DOCK2: variants seen among roughly 807,000 people sequenced by gnomAD.
DOCK2 encodes the protein dedicator of cytokinesis 2.
A neutral mutation model predicts 248.9 loss-of-function variants in DOCK2; 87 were observed. The observed-to-expected ratio is 0.35, with a 90% confidence interval of 0.29 to 0.42. The LOEUF (loss-of-function observed/expected upper bound fraction) is 0.42, where lower values mean the gene tolerates loss of function less well. Ranked by LOEUF, DOCK2 falls within the 10% of genes least tolerant of loss-of-function variation. The pLI, the probability that DOCK2 is intolerant of heterozygous loss-of-function variation, is 1.00. For missense variants in DOCK2, 1,747 were observed against 2,300.2 expected, an observed-to-expected ratio of 0.76 and a Z score of 4.92; for synonymous variants, 805 against 821.6, an observed-to-expected ratio of 0.98 and a Z score of 0.35.
intron 22 of DOCK2, 77 bp downstream of exon 22, chr5:169,718,868 G>C (rs950869324): frequency 4.0e-6 from 6 of 1,490,962 alleles, no homozygotes; most frequent in Non-Finnish European, 5.4e-6. Flanking sequence ...TACTGTAGGA[G>C]AAACTCGTTT....
intron 27 of DOCK2, among the ~76,000 whole-genome samples, chr5:169,914,911 T>C (rs1309795340): frequency 6.6e-6 from 1 of 152,242 alleles, no homozygotes; most frequent in Admixed American, 6.5e-5. Flanking sequence ...TGGCTTCCTG[T>C]GCATTGCTGT....
chr5:169,697,727 T>C (rs1193286010), intron 10 of DOCK2, among the ~76,000 whole-genome samples: 1 of 152,112 alleles, frequency 6.6e-6, no homozygotes, highest in Admixed American at 6.5e-5. Flanking sequence ...GTGTTTGACG[T>C]ATTTTCTGTA....
chr5:169,966,472 G>A (rs992374484), intron 27 of DOCK2, among the ~76,000 whole-genome samples: 3 of 152,136 alleles, frequency 2.0e-5, no homozygotes, highest in African/African-American at 7.2e-5. Context: ...TCCACTTAGG[G>A]AATGTAATCA....
intron 25 of DOCK2, among the ~76,000 whole-genome samples, chr5:169,789,888 T>G (rs1247028386): frequency 2.0e-5 from 3 of 150,448 alleles, no homozygotes; most frequent in Non-Finnish European, 4.5e-5. Context: ...AAAATGGCTG[T>G]GGTTTTTTCC....
chr5:169,695,919 G>A lies in DOCK2; in HGVS notation c.960G>A (p.Arg320=), dbSNP rs1760592431. The change falls in exon 10 of 52, where the codon AGG becomes AGA. Residue 320 remains arginine, a synonymous_variant. Coordinates refer to ENST00000520908, the MANE Select transcript of DOCK2 (RefSeq NM_004946.3). ...TGAKKCTQGL[R]RPFGVAVMDI... is the part of the protein sequence containing the mutation. ...CAAAGAAGTGCACGCAGGGACTGAG[G>A]AGGCCCTTTGGGGTGGCAGGTAAGG... The A allele has an allele frequency of 6.2e-7, 1 of 1,608,346 alleles. No homozygotes were observed. The highest frequency in any genetic ancestry group is 8.5e-7 in the Non-Finnish European group (1 of 1,177,246).
In DOCK2 at chr5:169,719,103, A is replaced by T. The variant is rs189450961; in HGVS notation, c.2267+312A>T. On this transcript the variant is annotated intron_variant, in intron 22 of 51. Transcript: ENST00000520908. ...TGGTGAACATTTTCCAGCAATCTAT[A>T]TCCAATGTTAGAGGGCCTGGGAGCA... is the stretch of plus-strand genomic sequence containing the variant. 5.3e-5 allele frequency among the ~76,000 whole-genome samples: 8 copies of T among 152,338 alleles called. No homozygotes were observed. In the East Asian group the frequency reaches 1.4e-3, roughly 26 times the overall value.
intron 46 of DOCK2, chr5:170,075,392 C>G (rs1470523469): frequency 6.6e-6 from 1 of 152,666 alleles, no homozygotes; most frequent in Non-Finnish European, 1.5e-5. Context: ...TCAGAGCTCC[C>G]TACTGGGGGG....
rs1453239969 is a variant in DOCK2, at chr5:170,080,276, C to T, written c.5280C>T (p.Thr1760=). The T allele has an allele frequency of 6.2e-7, 1 of 1,614,016 alleles. No homozygotes were observed. Among genetic ancestry groups the T allele is most frequent in the African/African-American group, 1.3e-5 (1 of 74,920 alleles). ...QMSFASQSMP[T]IPALALSVAG... ...GCTTTGCCAGCCAGTCCATGCCTAC[C>T]ATCCCAGGTATGCCCCCTGCTGCCA... Residue 1760 remains threonine (T), a synonymous_variant, in exon 50 of 52, where the codon ACC becomes ACT. Coordinates refer to ENST00000520908, the MANE Select transcript of DOCK2 (RefSeq NM_004946.3).
intron 27 of DOCK2, among the ~76,000 whole-genome samples, chr5:169,917,545 A>G (rs891965963): frequency 1.3e-5 from 2 of 152,196 alleles, no homozygotes; most frequent in East Asian, 1.9e-4. Flanking sequence ...CTTCCCATCA[A>G]GAGAAGTGTA....
chr5:169,677,337 A>G (rs1410177679), intron 6 of DOCK2, among the ~76,000 whole-genome samples: 1 of 151,204 alleles, frequency 6.6e-6, no homozygotes, highest in African/African-American at 2.5e-5. Flanking sequence ...GGCCTGCTAA[A>G]CATTCTTTTT....
chr5:169,832,093 G>C (rs1241739416), intron 26 of DOCK2, among the ~76,000 whole-genome samples: 4 of 152,168 alleles, frequency 2.6e-5, no homozygotes, highest in Non-Finnish European at 4.4e-5. Flanking sequence ...TCTGTGAATG[G>C]AACATTCTTG....
At chr5:169,747,365 T>G in intron 22 of DOCK2, 31 bp from the exon 23 acceptor site, 372 of 1,581,810 alleles carry the variant, frequency 2.4e-4, no homozygotes, top group Non-Finnish European at 3.0e-4. Context: ...TCTGTTAGCT[T>G]GAGAAATGAC....
At chr5:169,765,468 CG>C (rs1238158944) in intron 25 of DOCK2, among the ~76,000 whole-genome samples, 1 of 152,208 alleles carries the variant, frequency 6.6e-6, no homozygotes, top group Non-Finnish European at 1.5e-5. Context: ...GGAGAAAGGA[CG>C]CACAGATATG....
intron 46 of DOCK2, 53 bp downstream of exon 46, chr5:170,069,273 C>G: frequency 1.3e-6 from 2 of 1,589,942 alleles, no homozygotes; most frequent in South Asian, 2.3e-5. Context: ...CTCCCCCCAC[C>G]GTGGTTCACT....
rs142511909 is a variant in DOCK2, at chr5:170,026,665, G to A, written c.3382-1198G>A. Among the ~76,000 whole-genome samples, 497 of 152,292 alleles carry A rather than the reference G, an allele frequency of 3.3e-3. 4 individuals carry two copies. Among genetic ancestry groups the A allele is most frequent in the African/African-American group, 0.011 (470 of 41,556 alleles). ...TGCAACAAAATCATGTTAAAAAGAC[G>A]TTGGGTGACTTCAAAACAATGCGTT... On this transcript the variant is annotated intron_variant, in intron 33 of 51. Coordinates refer to ENST00000520908, the MANE Select transcript of DOCK2 (RefSeq NM_004946.3).
intron 9 of DOCK2, among the ~76,000 whole-genome samples, chr5:169,690,035 A>G (rs1339531403): frequency 6.6e-6 from 1 of 151,774 alleles, no homozygotes; most frequent in East Asian, 1.9e-4. Flanking sequence ...TGTTTCCATA[A>G]GGGTGTGAAG....
chr5:169,645,991 C>T (rs1017235738), intron 1 of DOCK2, among the ~76,000 whole-genome samples: 1 of 152,130 alleles, frequency 6.6e-6, no homozygotes, highest in African/African-American at 2.4e-5. Flanking sequence ...CCTCATGATC[C>T]GCCCATCTCA....
chr5:169,726,908 C>T (rs13356587), intron 22 of DOCK2, among the ~76,000 whole-genome samples: 3,428 of 152,104 alleles, frequency 0.023, 139 homozygotes, highest in African/African-American at 0.078. Flanking sequence ...ATGTTTCAAA[C>T]TAGACATTGA....
At chr5:169,922,801 C>T (rs959710599) in intron 27 of DOCK2, among the ~76,000 whole-genome samples, 1 of 152,164 alleles carries the variant, frequency 6.6e-6, no homozygotes, top group Non-Finnish European at 1.5e-5. Context: ...ATATAACCTA[C>T]ATTGTTTGAG....
Sources: allele counts gnomAD v4.1 joint callset (sites outside exome capture counted in the v4.1 genomes callset), GRCh38; gene constraint gnomAD v4.1.1; transcripts MANE v1.5; gene names NCBI Gene and HGNC (gene_info 2026-07-23, HGNC 2026-07-21).